AHNAK: variants seen among roughly 807,000 people sequenced by gnomAD.
The protein encoded by AHNAK is neuroblast differentiation-associated protein AHNAK.
AHNAK carries 23 observed loss-of-function variants against 37.8 expected under a neutral mutation model. The observed-to-expected ratio is 0.61, with a 90% confidence interval of 0.44 to 0.86. The LOEUF (loss-of-function observed/expected upper bound fraction) is 0.86, where lower values mean the gene tolerates loss of function less well. Among genes scored for constraint, AHNAK ranks in the 40% least tolerant of loss-of-function variants. AHNAK has a pLI of 0.00. For synonymous variants in AHNAK, 2,481 were observed against 2,636.3 expected, an observed-to-expected ratio of 0.94 and a Z score of 1.80; for missense variants, 7,411 against 7,319.4, an observed-to-expected ratio of 1.01 and a Z score of -0.46.
exon 5 of AHNAK, chr11:62,491,776 G>A (rs752329295): frequency 8.1e-6 from 13 of 1,613,032 alleles, no homozygotes; most frequent in Non-Finnish European, 1.1e-5. Flanking sequence ...TTGGCTGCTG[G>A]CTTCCTTCTG....
chr11:62,465,843 A>C (rs1590604447), intron 5 of AHNAK, among the ~76,000 whole-genome samples: 2 of 152,152 alleles, frequency 1.3e-5, no homozygotes, highest in African/African-American at 4.8e-5. Context: ...AAAGAGGCAA[A>C]GGAGGATTCT....
At chr11:62,490,197 C>CTTTT (rs944550481) in intron 5 of AHNAK, among the ~76,000 whole-genome samples, 23 of 115,922 alleles carry the variant, frequency 2.0e-4, no homozygotes, top group South Asian at 2.8e-4. Context: ...TTTTCTTTTT[C>CTTTT]TTTTTTTTTT....
chr11:62,445,505 C>T (rs991844189), intron 5 of AHNAK, among the ~76,000 whole-genome samples: 1 of 152,118 alleles, frequency 6.6e-6, no homozygotes, highest in African/African-American at 2.4e-5. Context: ...CATCATTCCC[C>T]AAAACAAAGG....
At chr11:62,507,935 T>A (rs1461610337) in intron 4 of AHNAK, among the ~76,000 whole-genome samples, 9 of 152,150 alleles carry the variant, frequency 5.9e-5, no homozygotes, top group Admixed American at 5.2e-4. Flanking sequence ...TTGCACATAA[T>A]AATGGGGGTT....
chr11:62,434,503 C>T (rs1200711988), intron 5 of AHNAK, among the ~76,000 whole-genome samples: 4 of 152,268 alleles, frequency 2.6e-5, no homozygotes, highest in South Asian at 4.1e-4. Context: ...CCCATGAATG[C>T]GCAGGTTGTC....
intron 5 of AHNAK, among the ~76,000 whole-genome samples, chr11:62,460,255 C>T (rs1350203972): frequency 6.6e-6 from 1 of 152,184 alleles, no homozygotes; most frequent in African/African-American, 2.4e-5. Context: ...CCACTGCACT[C>T]CAGCCTGGGT....
chr11:62,533,712 C>T lies in AHNAK; in HGVS notation c.705G>A (p.Glu235=), dbSNP rs1189541542. The T allele has an allele frequency of 1.2e-6, 2 of 1,614,150 alleles. No homozygotes were observed. Among genetic ancestry groups the T allele is most frequent in the South Asian group, 1.1e-5 (1 of 91,078 alleles). Residue 235 remains glutamate, a synonymous_variant, in exon 5 of 5, where the codon GAG becomes GAA. Transcript: ENST00000378024. ...GCTTCGAGTGGCCAGCACCTTGGAG[C>T]TCTGGTCCTGAAGCAGAAATGGCCC... is the stretch of plus-strand genomic sequence containing the variant. ...RAGAISASGP[E]LQGAGHSKLQ...
At position 62,529,567 on chromosome 11, in the gene AHNAK, G is replaced by A. The variant is rs531272506; in HGVS notation, c.4850C>T (p.Ala1617Val). 1 of 1,614,070 alleles carries A rather than the reference G, an allele frequency of 6.2e-7. No homozygotes were observed. Among genetic ancestry groups the A allele is most frequent in the South Asian group, 1.1e-5 (1 of 91,074 alleles). ...ACCAACATTCACATCCATCTTAGGG[G>A]CTTTCACATCAATTTCAGGACCCTT... Reference protein sequence around the residue: ...DLKGPEIDVKAPKMDVNVGDI... With the variant: ...DLKGPEIDVKVPKMDVNVGDI... Residue 1617 changes from alanine (A) to valine (V), a missense_variant, in exon 5 of 5, where the codon GCC (alanine) becomes GTC (valine). Coordinates refer to ENST00000378024, the MANE Select transcript of AHNAK (RefSeq NM_001620.3).
chr11:62,486,561 AG>A (rs1565210918), intron 5 of AHNAK, among the ~76,000 whole-genome samples: 24 of 140,494 alleles, frequency 1.7e-4, no homozygotes, highest in African/African-American at 5.9e-4. Context: ...GGAGGGAGGG[AG>A]GGAGCATGGT....
intron 1 of AHNAK, among the ~76,000 whole-genome samples, chr11:62,539,717 C>T (rs970681296): frequency 2.6e-5 from 4 of 152,182 alleles, no homozygotes; most frequent in African/African-American, 9.6e-5. Context: ...TCCAATAGCC[C>T]GTGAGGACGG....
intron 5 of AHNAK, among the ~76,000 whole-genome samples, chr11:62,449,317 C>G (rs1938484985): frequency 6.6e-6 from 1 of 152,208 alleles, no homozygotes; most frequent in Non-Finnish European, 1.5e-5. Flanking sequence ...TCATAACTAC[C>G]TGGCCTTGGT....
Position 62,531,668 on chromosome 11 carries a change from C to T in AHNAK, c.2749G>A (p.Val917Ile), listed in dbSNP as rs1460041794. ...DISGPKVGVE[V>I]PDVNIEGPEG... ...GGTCCTTCAATATTCACATCTGGAA[C>T]TTCAACACCCACCTTGGGTCCTGAG... The change falls in exon 5 of 5, where the codon GTT (valine) becomes ATT (isoleucine). Residue 917 changes from valine to isoleucine, a missense_variant. Physicochemically the swap from Val to Ile is conservative, Grantham distance 29. Transcript: ENST00000378024. The T allele has an allele frequency of 1.9e-6, 3 of 1,613,904 alleles. No homozygotes were observed. Among genetic ancestry groups the T allele is most frequent in the African/African-American group, 2.7e-5 (2 of 74,860 alleles).
At chr11:62,480,825 A>C (rs1298518025) in intron 5 of AHNAK, among the ~76,000 whole-genome samples, 1 of 140,336 alleles carries the variant, frequency 7.1e-6, no homozygotes, top group African/African-American at 2.5e-5. Flanking sequence ...AAAAAAAAAA[A>C]AACCTGGATT....
chr11:62,437,462 C>A (rs575449733), intron 5 of AHNAK, among the ~76,000 whole-genome samples: 2 of 152,296 alleles, frequency 1.3e-5, no homozygotes, highest in African/African-American at 4.8e-5. Flanking sequence ...TCAAGTGATT[C>A]TCCTGCCTCA....
intron 4 of AHNAK, among the ~76,000 whole-genome samples, chr11:62,508,514 C>T (rs1268469279): frequency 2.0e-5 from 3 of 152,244 alleles, no homozygotes; most frequent in African/African-American, 7.2e-5. Flanking sequence ...CATTCGTAAC[C>T]CTTTCCCATC....
rs187700541 is a variant in AHNAK at position 62,528,789 on chromosome 11, C to G, written c.5628G>C (p.Ser1876=). The change falls in exon 5 of 5, where the codon TCG becomes TCC. Residue 1876 remains serine (S), a synonymous_variant. Coordinates refer to ENST00000378024, the MANE Select transcript of AHNAK (RefSeq NM_001620.3). ...TTAAATCTCCCTCCAATTTTGGCAC[C>G]GACACATCCGCATCCCCTTTGACTT... is the stretch of plus-strand genomic sequence containing the variant. ...GPKVKGDADV[S]VPKLEGDLTG... is the part of the protein sequence containing the mutation. 6 of 1,610,118 alleles carry G rather than the reference C, an allele frequency of 3.7e-6. No homozygotes were observed. Among genetic ancestry groups the G allele is most frequent in the Non-Finnish European group, 4.2e-6 (5 of 1,178,928 alleles).
chr11:62,520,916 T>C lies in AHNAK; in HGVS notation c.13501A>G (p.Lys4501Glu). Residue 4501 changes from lysine (K) to glutamate (E), a missense_variant, in exon 5 of 5, where the codon AAG (lysine) becomes GAG (glutamate). By Grantham distance (56) the Lys-to-Glu change is moderately conservative. Transcript: ENST00000378024. The stretch of plus-strand genomic sequence containing the variant: ...ATCTTAAACTTGGGACCTTTGAGCT[T>C]CCCTTCAGGACCTTCAATGTCTACC... Reference protein sequence around the residue: ...PEVDIEGPEGKLKGPKFKMPD... With the variant: ...PEVDIEGPEGELKGPKFKMPD... 1 of 1,614,188 alleles carries C rather than the reference T, an allele frequency of 6.2e-7. No homozygotes were observed. Among genetic ancestry groups the C allele is most frequent in the Non-Finnish European group, 8.5e-7 (1 of 1,180,036 alleles).
Position 62,531,290 on chromosome 11 carries a change from G to C in AHNAK, c.3127C>G (p.Leu1043Val). Reference sequence around the variant, plus strand: ...TTCAACTTCCCTTCAGGTCCTTCAAGGCTCAGATCTGGAGCATTAGTATCT... The same window carrying C: ...TTCAACTTCCCTTCAGGTCCTTCAACGCTCAGATCTGGAGCATTAGTATCT... Reference protein sequence around the residue: ...KVDTNAPDLSLEGPEGKLKGP... With the variant: ...KVDTNAPDLSVEGPEGKLKGP... Residue 1043 changes from leucine (L) to valine (V), a missense_variant, in exon 5 of 5, where the codon CTT becomes GTT. Transcript: ENST00000378024. 2 of 1,613,210 alleles carry C rather than the reference G, an allele frequency of 1.2e-6. No individual in the cohort carries two copies. Among genetic ancestry groups the C allele is most frequent in the Non-Finnish European group, 1.7e-6 (2 of 1,179,662 alleles).
Position 62,536,045 on chromosome 11 carries a change from A to G in AHNAK, c.54T>C (p.Ser18=). Residue 18 remains serine, a synonymous_variant, in exon 3 of 5, where the codon AGT becomes AGC. Coordinates refer to ENST00000378024, the MANE Select transcript of AHNAK (RefSeq NM_001620.3). ...RELLLPNWQG[S]GSHGLTIAQR... The stretch of plus-strand genomic sequence containing the variant: ...GGGCGATGGTCAGCCCGTGGGAGCC[A>G]CTACCCTGCCAGTTGGGCAGCAGCA... 1 of 1,610,962 alleles carries G rather than the reference A, an allele frequency of 6.2e-7. No individual in the cohort carries two copies. Among genetic ancestry groups the G allele is most frequent in the Non-Finnish European group, 8.5e-7 (1 of 1,178,304 alleles).
Sources: gnomAD v4.1 joint callset for allele counts (sites outside exome capture counted in the v4.1 genomes callset) on GRCh38, gnomAD v4.1.1 for gene constraint, MANE v1.5 for transcripts, NCBI Gene and HGNC (gene_info 2026-07-23, HGNC 2026-07-21) for gene names.